GORASP2: variants seen among roughly 807,000 people sequenced by gnomAD.
GORASP2 encodes golgi reassembly stacking protein 2, also known as Golgi reassembly-stacking protein 2.
Under a neutral mutation model 45.7 loss-of-function variants are expected in GORASP2, and 22 were observed. That is an observed-to-expected ratio of 0.48 (90% CI 0.34 to 0.69). The LOEUF is 0.69. Ranked by LOEUF, GORASP2 falls within the 30% of genes least tolerant of loss-of-function variation. GORASP2 has a pLI of 0.01. For synonymous variants in GORASP2, 221 were observed against 215.6 expected (o/e 1.02, Z -0.22); for missense variants, 491 against 562.7 (o/e 0.87, Z 1.29).
chr2:170,947,213 C>T (rs1262279868), intron 1 of GORASP2, among the ~76,000 whole-genome samples: 2 of 152,104 alleles, frequency 1.3e-5, no homozygotes, highest in African/African-American at 4.8e-5. Flanking sequence ...ATCCACAGAC[C>T]TCAATTTAAG....
chr2:170,949,285 A>T (rs1704243854), intron 2 of GORASP2, among the ~76,000 whole-genome samples: 1 of 152,250 alleles, frequency 6.6e-6, no homozygotes, highest in African/African-American at 2.4e-5. Context: ...AGATCATTCT[A>T]AATAATGTTG....
At chr2:170,956,241 G>A (rs569139529) in intron 6 of GORASP2, among the ~76,000 whole-genome samples, 195 bp from the exon 7 acceptor site, 13 of 152,332 alleles carry the variant, frequency 8.5e-5, no homozygotes, top group African/African-American at 3.1e-4. Context: ...AGGAGAGAGA[G>A]ATGCTTACAG....
chr2:170,966,118 T>C lies in GORASP2; in HGVS notation c.1347T>C (p.Ser449=), dbSNP rs1318534880. ...PVSAAVDANA[S]ESP ...CTGCGGCTGTGGATGCCAATGCTTCTGAGTCACCTTAACTTTGAACCATTC... is the reference window on the plus strand; with the variant it reads ...CTGCGGCTGTGGATGCCAATGCTTCCGAGTCACCTTAACTTTGAACCATTC... Residue 449 remains serine (S), a synonymous_variant, in exon 10 of 10, where the codon TCT becomes TCC. Coordinates refer to ENST00000234160, the MANE Select transcript of GORASP2 (RefSeq NM_015530.5). 10 of 1,611,896 alleles carry C rather than the reference T, an allele frequency of 6.2e-6. No individual in the cohort carries two copies. Among genetic ancestry groups the C allele is most frequent in the Non-Finnish European group, 8.5e-6 (10 of 1,178,062 alleles).
intron 1 of GORASP2, among the ~76,000 whole-genome samples, chr2:170,935,339 C>G (rs1223553054): frequency 6.6e-6 from 1 of 152,004 alleles, no homozygotes; most frequent in Non-Finnish European, 1.5e-5. Context: ...ACTGCAACTT[C>G]CGCCACTCCA....
chr2:170,965,998 A>C lies in GORASP2; in HGVS notation c.1227A>C (p.Ser409=), dbSNP rs1575482631. The C allele has an allele frequency of 6.2e-7, 1 of 1,613,450 alleles. No individual in the cohort carries two copies. ...CTGCAAAGGCAGACGCTGCCTCCTC[A>C]CTCACTGTGGATGTGACGCCCCCCA... ...TTTAKADAAS[S]LTVDVTPPTA... is the part of the protein sequence containing the mutation. Residue 409 remains serine, a synonymous_variant, in exon 10 of 10, where the codon TCA becomes TCC. Coordinates refer to ENST00000234160, the MANE Select transcript of GORASP2 (RefSeq NM_015530.5).
intron 6 of GORASP2, among the ~76,000 whole-genome samples, chr2:170,955,591 A>G (rs573409346): frequency 1.3e-5 from 2 of 152,368 alleles, no homozygotes; most frequent in South Asian, 4.1e-4. Context: ...TTTTGTCTAC[A>G]CAGTTTGGCC....
At chr2:170,957,694 T>C (rs1373603469) in intron 7 of GORASP2, among the ~76,000 whole-genome samples, 1 of 152,264 alleles carries the variant, frequency 6.6e-6, no homozygotes, top group Non-Finnish European at 1.5e-5. Context: ...ACAATTCACC[T>C]GCTTAAAGTA....
chr2:170,933,469 A>T (rs1703874533), intron 1 of GORASP2, among the ~76,000 whole-genome samples: 1 of 152,198 alleles, frequency 6.6e-6, no homozygotes, highest in Admixed American at 6.5e-5. Context: ...TGTTAAACAA[A>T]TCAGGGCCTA....
chr2:170,959,631 G>T (rs1280969801), intron 7 of GORASP2, among the ~76,000 whole-genome samples: 1 of 152,140 alleles, frequency 6.6e-6, no homozygotes, highest in African/African-American at 2.4e-5. Context: ...CATTGTAACA[G>T]TGTAATACAG....
chr2:170,929,639 C>T, intron 1 of GORASP2: 1 of 607,614 alleles, frequency 1.6e-6, no homozygotes, highest in Non-Finnish European at 3.1e-6. Context: ...GAGCTGGAGG[C>T]GGCTGCCGGC....
In GORASP2 at chr2:170,956,927, T is replaced by G. The variant is rs191734158; in HGVS notation, c.823+368T>G. Reference sequence around the variant, plus strand: ...AAAAATTTAAAGAATTTTAAAAAATTATTTTAAAAAAATTTTTAAAAAAGA... The same window carrying G: ...AAAAATTTAAAGAATTTTAAAAAATGATTTTAAAAAAATTTTTAAAAAAGA... On this transcript the variant is annotated intron_variant, in intron 7 of 9. Transcript: ENST00000234160. Among the ~76,000 whole-genome samples the G allele has an allele frequency of 6.3e-4, 96 of 152,214 alleles. 1 individual carries two copies. The highest frequency in any genetic ancestry group is 3.4e-3 in the Middle Eastern group (1 of 294).
intron 9 of GORASP2, among the ~76,000 whole-genome samples, chr2:170,964,225 G>T (rs528309235): frequency 3.3e-5 from 5 of 152,192 alleles, no homozygotes; most frequent in Admixed American, 6.5e-5. Context: ...AGTGATGTCA[G>T]TGAATGATCT....
chr2:170,964,968 C>G (rs1475808156), intron 9 of GORASP2, among the ~76,000 whole-genome samples: 1 of 118,562 alleles, frequency 8.4e-6, no homozygotes, highest in Non-Finnish European at 1.6e-5. Flanking sequence ...GTGGTGTAAT[C>G]TCATCTCACT....
intron 1 of GORASP2, among the ~76,000 whole-genome samples, chr2:170,946,245 C>G (rs2105318895): frequency 6.6e-6 from 1 of 152,220 alleles, no homozygotes; most frequent in South Asian, 2.1e-4. Flanking sequence ...GACTCCAATC[C>G]TCCTGCCTTG....
intron 9 of GORASP2, among the ~76,000 whole-genome samples, chr2:170,964,748 G>A (rs1291160649): frequency 1.3e-5 from 2 of 152,054 alleles, no homozygotes. Context: ...TGTATTCTTG[G>A]CTCCTCCTCT....
intron 5 of GORASP2, among the ~76,000 whole-genome samples, chr2:170,952,799 C>G (rs1189921766): frequency 2.6e-5 from 4 of 152,226 alleles, no homozygotes; most frequent in African/African-American, 9.6e-5. Context: ...CCTCAGCTTC[C>G]TGAGTACCTG....
intron 1 of GORASP2, among the ~76,000 whole-genome samples, chr2:170,937,869 T>A (rs187446682): frequency 6.6e-6 from 1 of 152,260 alleles, no homozygotes; most frequent in East Asian, 1.9e-4. Context: ...CATGAGTACA[T>A]TGAGAAACTA....
At chr2:170,963,485 TCCCGC>T (rs1704619131) in intron 9 of GORASP2, among the ~76,000 whole-genome samples, 4 of 13,612 alleles carry the variant, frequency 2.9e-4, no homozygotes, top group Admixed American at 6.4e-4. Flanking sequence ...CTCCTCCTCC[TCCCGC>T]CCCCCTCCCC....
At chr2:170,954,815 A>C (rs955090813) in intron 6 of GORASP2, 33 bp downstream of exon 6, 3 of 1,579,210 alleles carry the variant, frequency 1.9e-6, no homozygotes, top group Non-Finnish European at 2.6e-6. Flanking sequence ...GTATATCATA[A>C]AGTTTTTACC....
Sources: allele counts gnomAD v4.1 joint callset (sites outside exome capture counted in the v4.1 genomes callset), GRCh38; gene constraint gnomAD v4.1.1; transcripts MANE v1.5; gene names NCBI Gene and HGNC (gene_info 2026-07-23, HGNC 2026-07-21).